The following RNPS1 variants were observed in gnomAD, a reference collection of about 807,000 sequenced individuals.
RNPS1 encodes the protein RNA binding protein with serine rich domain 1, also known as RNA-binding protein with serine-rich domain 1.
For missense variants in RNPS1, 300 were observed against 427.6 expected (o/e 0.70, Z 2.63); for synonymous variants, 147 against 150.0 (o/e 0.98, Z 0.15).
chr16:2,267,224 G>A (rs1411609455), intron 1 of RNPS1: 12 of 985,306 alleles, frequency 1.2e-5, no homozygotes, highest in Non-Finnish European at 1.3e-5. Context: ...CCATCCTCCG[G>A]AAAGGTGCGC....
chr16:2,262,600 C>G (rs2093607627), intron 5 of RNPS1, 140 bp downstream of exon 5: 1 of 948,000 alleles, frequency 1.1e-6, no homozygotes, highest in Admixed American at 2.3e-5. Flanking sequence ...AATGGTCCAC[C>G]AAGAGGAACG....
intron 6 of RNPS1, among the ~76,000 whole-genome samples, chr16:2,261,073 T>G (rs1244194952): frequency 6.7e-6 from 1 of 150,186 alleles, no homozygotes; most frequent in Admixed American, 6.7e-5. Flanking sequence ...GAGCTTGCAG[T>G]GGGCCGAGGT....
At position 2,253,538 on chromosome 16, in the gene RNPS1, C is replaced by G. The variant is rs2093561412; in HGVS notation, c.*426G>C. ...AGGCCAGGCCTAACAGGGTTGGCAG[C>G]TGCACTAAAGCCTGGGGCAGCTCCC... On this transcript the variant is annotated 3_prime_UTR_variant, in exon 8 of 8. Transcript: ENST00000320225. 1 of 309,168 alleles carries G rather than the reference C, an allele frequency of 3.2e-6. No individual in the cohort carries two copies. Among genetic ancestry groups the G allele is most frequent in the Non-Finnish European group, 6.2e-6 (1 of 160,106 alleles). 19.2% of individuals were successfully genotyped at this position (309,168 alleles called of 1,614,324 possible).
At chr16:2,264,980 T>C (rs538125596) in intron 1 of RNPS1, 33 of 233,820 alleles carry the variant, frequency 1.4e-4, no homozygotes, top group Non-Finnish European at 2.5e-4. Context: ...CAGCGTATCT[T>C]TTTCTTAAAA....
At chr16:2,261,822 C>T (rs1299653222) in intron 6 of RNPS1, among the ~76,000 whole-genome samples, 1 of 152,188 alleles carries the variant, frequency 6.6e-6, no homozygotes, top group Non-Finnish European at 1.5e-5. Flanking sequence ...GTAATTACCC[C>T]AGCACTCACA....
chr16:2,265,011 T>C, intron 1 of RNPS1: 1 of 207,510 alleles, frequency 4.8e-6, no homozygotes, highest in South Asian at 8.9e-5. Flanking sequence ...GTGGAGACCA[T>C]CACTGTTATT....
chr16:2,257,604 C>T (rs1379529709), intron 6 of RNPS1: 2 of 152,080 alleles, frequency 1.3e-5, no homozygotes, highest in Non-Finnish European at 2.9e-5. Flanking sequence ...AGAAGGTACC[C>T]GGGTCCCCTG....
At chr16:2,263,394 G>T (rs2141578361) in intron 3 of RNPS1, 107 bp from the exon 4 acceptor site, 1 of 1,063,074 alleles carries the variant, frequency 9.4e-7, no homozygotes, top group Non-Finnish European at 1.4e-6. Flanking sequence ...CTGTTCGGGT[G>T]CCTCCAGGCC....
chr16:2,255,514 G>A (rs1168390481), intron 7 of RNPS1, 71 bp downstream of exon 7: 5 of 1,497,136 alleles, frequency 3.3e-6, no homozygotes, highest in Non-Finnish European at 3.6e-6. Flanking sequence ...GCTGAATAAA[G>A]GGTCTGAAAG....
In RNPS1 at chr16:2,254,013, G is replaced by A. The variant is rs372463181; in HGVS notation, c.869C>T (p.Pro290Leu). The A allele has an allele frequency of 2.2e-5, 34 of 1,526,462 alleles. No individual in the cohort carries two copies. The highest frequency in any genetic ancestry group is 1.1e-4 in the Admixed American group (5 of 47,086). The allele number at this position is 1,526,462 out of a possible 1,614,324, so 94.6% of individuals were successfully genotyped here. Residue 290 changes from proline to leucine, a missense_variant, in exon 8 of 8, where the codon CCG (proline) becomes CTG (leucine). Physicochemically the swap from Pro to Leu is moderately conservative, Grantham distance 98. Transcript: ENST00000320225. ...GCGGCTCCTGTGGCGGCGGCGGCCC[G>A]GGGACCGTGATCTCCGGCGCACGGG... ...RSPVRRRSRS[P>L]GRRRHRSRSS... is the part of the protein sequence containing the mutation.
chr16:2,254,835 G>C (rs161429), intron 7 of RNPS1, among the ~76,000 whole-genome samples: 169 of 144,820 alleles, frequency 1.2e-3, no homozygotes, highest in Non-Finnish European at 2.2e-3. Flanking sequence ...TCCACCTCCC[G>C]GGTTCACGCC....
At chr16:2,262,501 A>G in intron 5 of RNPS1, 70 bp from the exon 6 acceptor site, 1 of 1,544,672 alleles carries the variant, frequency 6.5e-7, no homozygotes, top group Admixed American at 1.7e-5. Flanking sequence ...AGAGCTCAGC[A>G]CATCATGACT....
chr16:2,255,114 C>G (rs987311709), intron 7 of RNPS1, among the ~76,000 whole-genome samples: 9 of 152,202 alleles, frequency 5.9e-5, no homozygotes, highest in Non-Finnish European at 5.9e-5. Context: ...GGAACGGGTG[C>G]TTGTGAGACC....
intron 3 of RNPS1, among the ~76,000 whole-genome samples, chr16:2,263,700 C>A (rs373210652): frequency 2.8e-4 from 42 of 152,056 alleles, no homozygotes; most frequent in Admixed American, 2.7e-3. Context: ...GCAGCTTCAA[C>A]CCCCTGGAAT....
chr16:2,266,415 T>C (rs917189978), intron 1 of RNPS1: 1 of 985,078 alleles, frequency 1.0e-6, no homozygotes, highest in African/African-American at 1.7e-5. Context: ...GAGTATAATT[T>C]AGAGTCTGGA....
At chr16:2,266,818 T>C (rs1017056699) in intron 1 of RNPS1, 4 of 574,278 alleles carry the variant, frequency 7.0e-6, no homozygotes, top group Non-Finnish European at 8.8e-6. Flanking sequence ...ATCCAAAATA[T>C]TATCTTTCCA....
Position 2,253,555 on chromosome 16 carries a change from G to A in RNPS1, c.*409C>T, listed in dbSNP as rs931747862. ...GTTGGCAGCTGCACTAAAGCCTGGG[G>A]CAGCTCCCTTTCCAAAAGGACACTG... On this transcript the variant is annotated 3_prime_UTR_variant, in exon 8 of 8. Transcript: ENST00000320225. 2 of 327,810 alleles carry A rather than the reference G, an allele frequency of 6.1e-6. No homozygotes were observed. Among genetic ancestry groups the A allele is most frequent in the Admixed American group, 4.8e-5 (1 of 21,002 alleles). 20.3% of individuals were successfully genotyped at this position (327,810 alleles called of 1,614,324 possible).
chr16:2,264,561 C>T lies in RNPS1; in HGVS notation c.71+12G>A. ...CCCAAGTAGCACTAGAAAAATCTTA[C>T]AGAAGGATTACCTAGTGCTGGACTT... On this transcript the variant is annotated intron_variant, in intron 2 of 7. Coordinates refer to ENST00000320225, the MANE Select transcript of RNPS1 (RefSeq NM_080594.4). 1 of 1,612,510 alleles carries T rather than the reference C, an allele frequency of 6.2e-7. No homozygotes were observed. The highest frequency in any genetic ancestry group is 8.5e-7 in the Non-Finnish European group (1 of 1,179,024).
At chr16:2,263,046 T>C (rs1338422969) in intron 4 of RNPS1, 50 bp downstream of exon 4, 2 of 1,575,878 alleles carry the variant, frequency 1.3e-6, no homozygotes, top group Admixed American at 1.8e-5. Flanking sequence ...CGATGGTAAA[T>C]CTGTAGCCCC....
Sources: gnomAD v4.1 joint callset for allele counts (sites outside exome capture counted in the v4.1 genomes callset) on GRCh38, gnomAD v4.1.1 for gene constraint, MANE v1.5 for transcripts, NCBI Gene and HGNC (gene_info 2026-07-23, HGNC 2026-07-21) for gene names.